The following COL11A1 variants were observed in gnomAD, a reference collection of about 807,000 sequenced individuals.
COL11A1 encodes the protein collagen type XI alpha 1 chain.
COL11A1 carries 74 observed loss-of-function variants against 265.2 expected under a neutral mutation model. The observed-to-expected ratio is 0.28, with a 90% confidence interval of 0.23 to 0.34. The LOEUF (loss-of-function observed/expected upper bound fraction) is 0.34. Among genes scored for constraint, COL11A1 ranks in the 10% least tolerant of loss-of-function variants. COL11A1 has a pLI of 1.00. For synonymous variants in COL11A1, 816 were observed against 727.6 expected (o/e 1.12, Z -1.96); for missense variants, 2,165 against 2,263.6 (o/e 0.96, Z 0.88).
At chr1:102,913,266 A>G (rs1433857175) in intron 53 of COL11A1, among the ~76,000 whole-genome samples, 1 of 152,202 alleles carries the variant, frequency 6.6e-6, no homozygotes, top group Non-Finnish European at 1.5e-5. Flanking sequence ...CACAATTAAT[A>G]TAATTCATGC....
chr1:103,080,779 C>G (rs12116763), intron 2 of COL11A1, among the ~76,000 whole-genome samples: 20,859 of 151,652 alleles, frequency 0.14, 1,587 homozygotes, highest in Non-Finnish European at 0.16. Flanking sequence ...AAAATTAGAG[C>G]TAGTGCCATC....
chr1:103,067,164 A>T (rs1206594619), intron 4 of COL11A1, among the ~76,000 whole-genome samples: 3 of 151,980 alleles, frequency 2.0e-5, no homozygotes, highest in Admixed American at 2.0e-4. Flanking sequence ...CATTTATAAA[A>T]GTCTGCATCG....
At chr1:102,985,736 A>G (rs1027350424) in intron 30 of COL11A1, among the ~76,000 whole-genome samples, 2 of 152,170 alleles carry the variant, frequency 1.3e-5, no homozygotes, top group African/African-American at 2.4e-5. Flanking sequence ...ATTTATCACA[A>G]TAGCTTGTGT....
intron 54 of COL11A1, among the ~76,000 whole-genome samples, chr1:102,901,705 C>T (rs1653226606): frequency 6.6e-6 from 1 of 152,078 alleles, no homozygotes; most frequent in African/African-American, 2.4e-5. Context: ...AGTTAATTCT[C>T]CACCAGTAGT....
At position 103,005,738 on chromosome 1, in the gene COL11A1, T is replaced by C. The variant is rs1253471356; in HGVS notation, c.1845+100A>G. The C allele has an allele frequency of 2.3e-5, 33 of 1,417,886 alleles. 1 individual carries two copies. Among genetic ancestry groups the C allele is most frequent in the Admixed American group, 2.1e-4 (12 of 57,372 alleles). The allele number at this position is 1,417,886 out of a possible 1,614,324, so 87.8% of individuals were successfully genotyped here. ...AGATTATTAAGTGGATTCACAAACG[T>C]TAAAATTAATTTTTCTTCTTTTTCT... On this transcript the variant is annotated intron_variant, in intron 18 of 66. Coordinates refer to ENST00000370096, the MANE Select transcript of COL11A1 (RefSeq NM_001854.4).
chr1:102,933,653 G>T (rs1053568199), intron 46 of COL11A1, among the ~76,000 whole-genome samples: 11 of 152,172 alleles, frequency 7.2e-5, no homozygotes, highest in African/African-American at 2.4e-4. Context: ...GTTTACCTAA[G>T]CAAGCCTGGG....
intron 13 of COL11A1, 63 bp downstream of exon 13, chr1:103,014,448 C>CTTGAT: frequency 7.7e-7 from 1 of 1,297,662 alleles, no homozygotes; most frequent in Non-Finnish European, 1.1e-6. Flanking sequence ...TCCGTATGTA[C>CTTGAT]ACACATATAT....
intron 5 of COL11A1, among the ~76,000 whole-genome samples, chr1:103,027,870 T>C (rs1557967260): frequency 6.6e-6 from 1 of 152,182 alleles, no homozygotes; most frequent in Non-Finnish European, 1.5e-5. Flanking sequence ...TTTTCTCTTA[T>C]AGGACAAATT....
At chr1:103,066,662 A>G (rs1214272872) in intron 4 of COL11A1, among the ~76,000 whole-genome samples, 1 of 151,878 alleles carries the variant, frequency 6.6e-6, no homozygotes, top group Non-Finnish European at 1.5e-5. Flanking sequence ...ATCCAGCCAC[A>G]TCAATAACAA....
In COL11A1 at chr1:102,945,039, T is replaced by C. The variant is rs115859238; in HGVS notation, c.3276+1810A>G. ...CATTCTAACTCTTTCTGAAAGGTAA[T>C]GGATTACAGAAAACATTTTTTTTTT... On this transcript the variant is annotated intron_variant, in intron 42 of 66. Transcript: ENST00000370096. Among the ~76,000 whole-genome samples the C allele has an allele frequency of 9.1e-3, 1,382 of 151,858 alleles. 21 individuals carry two copies. The highest frequency in any genetic ancestry group is 0.032 in the African/African-American group (1,318 of 41,186).
At chr1:102,914,311 T>C (rs1287971577) in intron 52 of COL11A1, 41 bp downstream of exon 52, 11 of 1,472,160 alleles carry the variant, frequency 7.5e-6, no homozygotes, top group South Asian at 3.5e-5. Context: ...ATTGGAAACA[T>C]TCACTCCAAA....
At chr1:103,068,333 C>G (rs960920888) in intron 4 of COL11A1, among the ~76,000 whole-genome samples, 4 of 151,172 alleles carry the variant, frequency 2.6e-5, no homozygotes, top group African/African-American at 9.7e-5. Context: ...AACATACTAA[C>G]AGGAAAAAAA....
rs139207425 is a variant in COL11A1 at position 102,883,361 on chromosome 1, T to C, written c.4859-50A>G. ...ATATAAAAATTCATTGACATCATTG[T>C]TGAATGCATTAGATGTCAAATTTTG... On this transcript the variant is annotated intron_variant, in intron 63 of 66. Transcript: ENST00000370096. 6.1e-5 allele frequency: 67 copies of C among 1,103,852 alleles called. No individual in the cohort carries two copies. In the East Asian group the frequency reaches 1.5e-3, roughly 24 times the overall value. 68.4% of individuals were successfully genotyped at this position (1,103,852 alleles called of 1,614,324 possible). A position where few individuals can be genotyped will look rare whatever the true frequency, so the allele number is the denominator to read the frequency against.
chr1:103,072,455 A>G (rs1671667326), intron 4 of COL11A1, among the ~76,000 whole-genome samples: 1 of 151,902 alleles, frequency 6.6e-6, no homozygotes, highest in South Asian at 2.1e-4. Context: ...AACTATTTAT[A>G]AAACACTAAC....
intron 62 of COL11A1, 122 bp from the exon 63 acceptor site, chr1:102,887,178 C>A: frequency 8.5e-7 from 1 of 1,180,280 alleles, no homozygotes; most frequent in Non-Finnish European, 1.2e-6. Flanking sequence ...TCATTAGCTA[C>A]AAAATTTATG....
At chr1:102,953,320 T>A (rs967859002) in intron 41 of COL11A1, among the ~76,000 whole-genome samples, 3 of 152,278 alleles carry the variant, frequency 2.0e-5, no homozygotes, top group Admixed American at 6.5e-5. Flanking sequence ...ATGCCATAAA[T>A]AAGTGTGTCA....
chr1:102,925,770 T>A (rs1363764157), intron 46 of COL11A1, among the ~76,000 whole-genome samples: 3 of 152,114 alleles, frequency 2.0e-5, no homozygotes, highest in Non-Finnish European at 2.9e-5. Flanking sequence ...TAAACATGCA[T>A]GTATATTTTA....
intron 4 of COL11A1, among the ~76,000 whole-genome samples, chr1:103,049,384 G>C (rs984293980): frequency 6.6e-6 from 1 of 152,056 alleles, no homozygotes; most frequent in East Asian, 1.9e-4. Flanking sequence ...GATCTTTGTT[G>C]GTTTAAAGTC....
chr1:103,018,599 G>A (rs1193328718), intron 10 of COL11A1, among the ~76,000 whole-genome samples: 2 of 152,050 alleles, frequency 1.3e-5, no homozygotes, highest in Non-Finnish European at 2.9e-5. Flanking sequence ...AAGATGCAGA[G>A]GTATCTAAGC....
Sources: gnomAD v4.1 joint callset for allele counts (sites outside exome capture counted in the v4.1 genomes callset) on GRCh38, gnomAD v4.1.1 for gene constraint, MANE v1.5 for transcripts, NCBI Gene and HGNC (gene_info 2026-07-23, HGNC 2026-07-21) for gene names.